Variants in CARS2 observed in about 807,000 individuals in gnomAD.
CARS2 encodes probable cysteine--tRNA ligase, mitochondrial.
Under a neutral mutation model 68.8 loss-of-function variants are expected in CARS2, and 52 were observed. That is an observed-to-expected ratio of 0.76 (90% CI 0.61 to 0.95). CARS2 has a LOEUF of 0.95. Among genes scored for constraint, CARS2 ranks in the 40% least tolerant of loss-of-function variants. The probability of loss-of-function intolerance (pLI) is 0.00; values close to 1 mark genes in which losing one functional copy is unlikely to be tolerated. For missense variants in CARS2, 780 were observed against 754.2 expected, an observed-to-expected ratio of 1.03 and a Z score of -0.40; for synonymous variants, 314 against 303.6, an observed-to-expected ratio of 1.03 and a Z score of -0.36.
In CARS2 at chr13:110,706,062, C is replaced by G. The variant is rs1207607155; in HGVS notation, c.32G>C (p.Gly11Ala). 7.4e-7 allele frequency: 1 copy of G among 1,352,908 alleles called. No homozygotes were observed. The allele number at this position is 1,352,908 out of a possible 1,614,324, so 83.8% of individuals were successfully genotyped here. MLRTTRGPGL[G>A]PPLLQAALGL... Reference sequence around the variant, plus strand: ...CAGCGCGGCCTGGAGCAGCGGGGGGCCCAGGCCTGGGCCGCGCGTAGTCCT... The same window carrying G: ...CAGCGCGGCCTGGAGCAGCGGGGGGGCCAGGCCTGGGCCGCGCGTAGTCCT... Residue 11 changes from glycine to alanine, a missense_variant, in exon 1 of 15, where the codon GGC becomes GCC. Gly to Ala is a moderately conservative substitution (Grantham distance 60). Transcript: ENST00000257347.
intron 10 of CARS2, among the ~76,000 whole-genome samples, 198 bp from the exon 11 acceptor site, chr13:110,647,437 T>G (rs1483287522): frequency 1.3e-5 from 2 of 152,220 alleles, no homozygotes; most frequent in African/African-American, 4.8e-5. Context: ...CCCAGCTCAG[T>G]GGCACCTGCC....
rs75320685 is a variant in CARS2 at position 110,701,867 on chromosome 13, A to G, written c.276-312T>C. ...TGTATAAAAATTCACTCATAATACA[A>G]TCTCTCAGTTAAGATCGTGTTTTCA... On this transcript the variant is annotated intron_variant, in intron 2 of 14. Coordinates refer to ENST00000257347, the MANE Select transcript of CARS2 (RefSeq NM_024537.4). Among the ~76,000 whole-genome samples the G allele has an allele frequency of 0.051, 7,829 of 152,288 alleles. 431 individuals are homozygous for G. Among genetic ancestry groups the G allele is most frequent in the African/African-American group, 0.12 (5,023 of 41,534 alleles).
chr13:110,651,909 C>T (rs2062225375), intron 9 of CARS2, among the ~76,000 whole-genome samples: 1 of 152,222 alleles, frequency 6.6e-6, no homozygotes, highest in Non-Finnish European at 1.5e-5. Flanking sequence ...GAGGGCTCTG[C>T]CCAGCTTGGG....
chr13:110,644,294 A>G, intron 13 of CARS2, 91 bp downstream of exon 13: 1 of 1,385,238 alleles, frequency 7.2e-7, no homozygotes, highest in Non-Finnish European at 1.0e-6. Context: ...GTGTGGCATC[A>G]TAATGCTCTA....
chr13:110,678,319 G>A (rs1205119184), intron 6 of CARS2, among the ~76,000 whole-genome samples: 2 of 152,158 alleles, frequency 1.3e-5, no homozygotes, highest in Non-Finnish European at 2.9e-5. Flanking sequence ...TCTGAGCAAG[G>A]TGCCCATCAC....
At chr13:110,666,200 C>A in intron 8 of CARS2, 1 of 985,436 alleles carries the variant, frequency 1.0e-6, no homozygotes, top group Non-Finnish European at 1.2e-6. Flanking sequence ...TATTCCACCA[C>A]TGGGCAGCGT....
chr13:110,678,364 A>T (rs887842080), intron 6 of CARS2, among the ~76,000 whole-genome samples: 1 of 152,088 alleles, frequency 6.6e-6, no homozygotes, highest in Non-Finnish European at 1.5e-5. Context: ...CATGCTCACC[A>T]AAACCTGCTG....
intron 2 of CARS2, among the ~76,000 whole-genome samples, chr13:110,703,879 A>G (rs1371566163): frequency 6.6e-6 from 1 of 152,102 alleles, no homozygotes; most frequent in Non-Finnish European, 1.5e-5. Context: ...CATGGTTGAA[A>G]CCCTAACTCC....
At chr13:110,678,299 G>A (rs1038348500) in intron 6 of CARS2, among the ~76,000 whole-genome samples, 2 of 152,180 alleles carry the variant, frequency 1.3e-5, no homozygotes, top group African/African-American at 4.8e-5. Context: ...GCGGCTTATG[G>A]ACCCGAGACT....
rs571797742 is a variant in CARS2, at chr13:110,699,257, C to T, written c.393+2181G>A. Among the ~76,000 whole-genome samples, 204 of 152,340 alleles carry T rather than the reference C, an allele frequency of 1.3e-3. 5 individuals carry two copies. The highest frequency in any genetic ancestry group is 1.1e-3 in the Non-Finnish European group (75 of 68,030). The stretch of plus-strand genomic sequence containing the variant: ...GCAGCACAAAACAGACTAAGACAAA[C>T]ACCGTCTAATGCTCTTGGAGGGTCA... On this transcript the variant is annotated intron_variant, in intron 3 of 14. Transcript: ENST00000257347.
intron 8 of CARS2, 79 bp downstream of exon 8, chr13:110,667,261 C>A: frequency 1.5e-6 from 2 of 1,311,348 alleles, no homozygotes; most frequent in South Asian, 1.4e-5. Flanking sequence ...CTATGTATTT[C>A]CAAATGTAGC....
chr13:110,663,807 G>A, intron 8 of CARS2: 6 of 1,198,094 alleles, frequency 5.0e-6, no homozygotes, highest in South Asian at 7.2e-5. Context: ...CCGTGGTACT[G>A]ACAGCAGTAT....
intron 1 of CARS2, chr13:110,712,939 G>A (rs530505061): frequency 6.4e-7 from 1 of 1,558,318 alleles, no homozygotes; most frequent in South Asian, 1.2e-5. Flanking sequence ...CGCGGGAGCC[G>A]CCTAGGCTGC....
At chr13:110,667,314 C>A (rs370101597) in intron 8 of CARS2, 26 bp downstream of exon 8, 6 of 1,592,500 alleles carry the variant, frequency 3.8e-6, no homozygotes, top group Admixed American at 1.7e-5. Flanking sequence ...TGAAACAGAA[C>A]AAATTAATCT....
chr13:110,662,016 A>C (rs1207044452), intron 9 of CARS2, among the ~76,000 whole-genome samples: 1 of 152,242 alleles, frequency 6.6e-6, no homozygotes, highest in East Asian at 1.9e-4. Flanking sequence ...GACACACAGA[A>C]AGGAAGTGAG....
intron 13 of CARS2, chr13:110,643,965 TG>T (rs1050507453): frequency 1.3e-4 from 57 of 441,674 alleles, no homozygotes; most frequent in Admixed American, 4.6e-4. Flanking sequence ...GACTCGTGCC[TG>T]TCGGGGAGCC....
intron 13 of CARS2, chr13:110,642,990 C>T (rs1887604685): frequency 8.3e-6 from 3 of 360,768 alleles, no homozygotes; most frequent in Admixed American, 3.8e-5. Flanking sequence ...TCGCGCTGTC[C>T]TCCCACTGAG....
At chr13:110,704,582 G>A (rs1411603569) in intron 2 of CARS2, among the ~76,000 whole-genome samples, 1 of 152,084 alleles carries the variant, frequency 6.6e-6, no homozygotes, top group African/African-American at 2.4e-5. Flanking sequence ...AAATTAGCCG[G>A]GCGTGGTGGT....
At chr13:110,694,344 T>G (rs893950132) in intron 3 of CARS2, among the ~76,000 whole-genome samples, 18 of 150,294 alleles carry the variant, frequency 1.2e-4, no homozygotes, top group African/African-American at 4.4e-4. Flanking sequence ...TTTCTTAATA[T>G]AAAATGTTAC....
Sources: allele counts gnomAD v4.1 joint callset (sites outside exome capture counted in the v4.1 genomes callset), GRCh38; gene constraint gnomAD v4.1.1; transcripts MANE v1.5; gene names NCBI Gene and HGNC (gene_info 2026-07-23, HGNC 2026-07-21).